Variants in MARCHF8 observed in about 807,000 individuals in gnomAD.
The protein encoded by MARCHF8 is E3 ubiquitin-protein ligase MARCHF8.
Under a neutral mutation model 51.6 loss-of-function variants are expected in MARCHF8, and 40 were observed. That is an observed-to-expected ratio of 0.77 (90% CI 0.60 to 1.01). MARCHF8 has a LOEUF of 1.01. Among genes scored for constraint, MARCHF8 ranks in the 50% least tolerant of loss-of-function variants. The pLI is 0.00. For synonymous variants in MARCHF8, 263 were observed against 280.3 expected (o/e 0.94, Z 0.62); for missense variants, 685 against 708.6 (o/e 0.97, Z 0.38).
chr10:45,458,929 C>T (rs1842697218), intron 7 of MARCHF8, among the ~76,000 whole-genome samples, 191 bp downstream of exon 7: 1 of 152,188 alleles, frequency 6.6e-6, no homozygotes, highest in African/African-American at 2.4e-5. Context: ...AGAATATGAA[C>T]TCTCCTGACT....
intron 3 of MARCHF8, among the ~76,000 whole-genome samples, chr10:45,471,215 T>A (rs1016562659): frequency 2.6e-5 from 4 of 152,228 alleles, no homozygotes; most frequent in Non-Finnish European, 5.9e-5. Flanking sequence ...TTTTCTACAG[T>A]GGCCTTTTAA....
At chr10:45,522,883 T>G (rs2043731719) in intron 2 of MARCHF8, among the ~76,000 whole-genome samples, 1 of 152,130 alleles carries the variant, frequency 6.6e-6, no homozygotes, top group Non-Finnish European at 1.5e-5. Flanking sequence ...GTGTGATGGC[T>G]CGTGTCTATA....
At chr10:45,528,898 C>T (rs541256820) in intron 2 of MARCHF8, among the ~76,000 whole-genome samples, 2 of 152,274 alleles carry the variant, frequency 1.3e-5, no homozygotes, top group South Asian at 4.1e-4. Context: ...GACCATACTA[C>T]TCAAAGAAAT....
intron 2 of MARCHF8, among the ~76,000 whole-genome samples, chr10:45,532,807 A>C (rs376819028): frequency 3.2e-4 from 48 of 152,338 alleles, no homozygotes; most frequent in African/African-American, 1.1e-3. Context: ...ATGAATAGGA[A>C]ACTAGCAGCA....
At chr10:45,548,468 T>C (rs1448198204) in intron 1 of MARCHF8, among the ~76,000 whole-genome samples, 2 of 152,044 alleles carry the variant, frequency 1.3e-5, no homozygotes, top group Non-Finnish European at 2.9e-5. Context: ...CCAGGTGCAA[T>C]TAACTGGAAA....
At position 45,463,266 on chromosome 10, in the gene MARCHF8, C is replaced by A. The variant is rs1362166638; in HGVS notation, c.973G>T (p.Val325Phe). 6.4e-7 allele frequency: 1 copy of A among 1,550,838 alleles called. No homozygotes were observed. Among genetic ancestry groups the A allele is most frequent in the Non-Finnish European group, 8.7e-7 (1 of 1,147,088 alleles). ...DSTSAKLKSR[V>F]LRAPLCSTEK... Reference sequence around the variant, plus strand: ...GTGGAGCAGAGGGGCGCCCGCAGAACCCTACTCTTCAGTTTTGCAGATGTG... The same window carrying A: ...GTGGAGCAGAGGGGCGCCCGCAGAAACCTACTCTTCAGTTTTGCAGATGTG... The change falls in exon 5 of 8, where the codon GTT becomes TTT. Residue 325 changes from valine (V) to phenylalanine (F), a missense_variant. Physicochemically the swap from Val to Phe is conservative, Grantham distance 50. Coordinates refer to ENST00000453424, the MANE Select transcript of MARCHF8 (RefSeq NM_001282866.2).
chr10:45,576,240 C>T (rs924602128), intron 1 of MARCHF8, among the ~76,000 whole-genome samples: 1 of 152,190 alleles, frequency 6.6e-6, no homozygotes, highest in African/African-American at 2.4e-5. Context: ...TCAGGGGAGG[C>T]ATCAAAGCAA....
chr10:45,537,257 G>A (rs571418954), upstream of MARCHF8, among the ~76,000 whole-genome samples: 33 of 152,140 alleles, frequency 2.2e-4, no homozygotes, highest in African/African-American at 5.8e-4. Context: ...AATGATAAAC[G>A]GATAAATCAA....
At chr10:45,512,511 C>G (rs539745105) in intron 2 of MARCHF8, among the ~76,000 whole-genome samples, 1 of 144,978 alleles carries the variant, frequency 6.9e-6, no homozygotes, top group African/African-American at 2.6e-5. Context: ...CCGCCCAGTC[C>G]GGGAGGTGAG....
intron 1 of MARCHF8, among the ~76,000 whole-genome samples, chr10:45,553,893 A>G (rs2044224115): frequency 6.6e-6 from 1 of 152,220 alleles, no homozygotes; most frequent in Non-Finnish European, 1.5e-5. Context: ...AAAAAAATAG[A>G]GGGAACCACA....
At chr10:45,474,966 G>A (rs997644968) in intron 3 of MARCHF8, among the ~76,000 whole-genome samples, 3 of 152,292 alleles carry the variant, frequency 2.0e-5, no homozygotes, top group East Asian at 1.9e-4. Context: ...GAGGGAGCTC[G>A]TGATGGGTCC....
intron 2 of MARCHF8, among the ~76,000 whole-genome samples, chr10:45,504,060 G>C (rs2043333517): frequency 1.3e-5 from 2 of 152,138 alleles, no homozygotes; most frequent in South Asian, 4.1e-4. Flanking sequence ...GGTGGCAGCT[G>C]TACAACCTTA....
rs1160541973 is a variant in MARCHF8 at position 45,544,397 on chromosome 10, C to T, written c.-78-11108G>A. Among the ~76,000 whole-genome samples the T allele has an allele frequency of 3.9e-5, 6 of 152,164 alleles. No homozygotes were observed. The East Asian group carries it at 9.6e-4, about 24-fold the overall frequency. On this transcript the variant is annotated intron_variant, in intron 1 of 6. Transcript: ENST00000319836. ...TTCATCCAAGAGATATGAAAACATA[C>T]GTCCACACAAAGACACATACATGAA...
chr10:45,508,309 G>A (rs920965526), intron 2 of MARCHF8, among the ~76,000 whole-genome samples: 7 of 139,744 alleles, frequency 5.0e-5, no homozygotes, highest in Admixed American at 4.4e-4. Context: ...CCATGAAAGA[G>A]GACAAAAATT....
intron 1 of MARCHF8, among the ~76,000 whole-genome samples, chr10:45,551,232 A>G (rs922927219): frequency 2.6e-5 from 4 of 152,186 alleles, no homozygotes; most frequent in African/African-American, 9.7e-5. Context: ...TGACAACTAG[A>G]AAGTAAATAT....
upstream of MARCHF8, among the ~76,000 whole-genome samples, chr10:45,538,594 T>C (rs979323889): frequency 2.0e-5 from 3 of 152,032 alleles, no homozygotes; most frequent in Admixed American, 6.5e-5. Context: ...GAGACACACA[T>C]AGGCTCAAAA....
intron 1 of MARCHF8, among the ~76,000 whole-genome samples, chr10:45,585,294 C>T (rs2044606527): frequency 6.6e-6 from 1 of 152,150 alleles, no homozygotes; most frequent in African/African-American, 2.4e-5. Flanking sequence ...ACAATGTTCA[C>T]ATCACCACTG....
intron 2 of MARCHF8, among the ~76,000 whole-genome samples, chr10:45,524,170 C>T (rs1446356600): frequency 6.6e-6 from 1 of 152,184 alleles, no homozygotes; most frequent in Non-Finnish European, 1.5e-5. Context: ...TAACAGCATA[C>T]TCTTTTTTAA....
At position 45,464,232 on chromosome 10, in the gene MARCHF8, G is replaced by A. The variant is rs1221100600; in HGVS notation, c.242+7C>T. On this transcript the variant is annotated splice_region_variant and intron_variant, in intron 4 of 7. Transcript: ENST00000453424. ...TGATCATGGCAGCATCTGAAGCAGA[G>A]TGTTACCTGCAGATGTCCTGGCTGG... is the stretch of plus-strand genomic sequence containing the variant. 8.1e-6 allele frequency: 13 copies of A among 1,612,788 alleles called. No homozygotes were observed. In the East Asian group the frequency reaches 2.9e-4, roughly 36 times the overall value.
Sources: allele counts gnomAD v4.1 joint callset (sites outside exome capture counted in the v4.1 genomes callset), GRCh38; gene constraint gnomAD v4.1.1; transcripts MANE v1.5; gene names NCBI Gene and HGNC (gene_info 2026-07-23, HGNC 2026-07-21).